The following NEK5 variants were observed in gnomAD, a reference collection of about 807,000 sequenced individuals.
The protein encoded by NEK5 is serine/threonine-protein kinase Nek5.
Under a neutral mutation model 109.2 loss-of-function variants are expected in NEK5, and 88 were observed. That is an observed-to-expected ratio of 0.81 (90% CI 0.68 to 0.96). The LOEUF is 0.96. Ranked by LOEUF, NEK5 falls within the 40% of genes least tolerant of loss-of-function variation. The pLI, the probability that NEK5 is intolerant of heterozygous loss-of-function variation, is 0.00. For missense variants in NEK5, 834 were observed against 920.7 expected, an observed-to-expected ratio of 0.91 and a Z score of 1.22; for synonymous variants, 283 against 299.9, an observed-to-expected ratio of 0.94 and a Z score of 0.58.
At position 52,038,839 on chromosome 13, in the gene NEK5, A is replaced by AC. The variant is rs1333093022; in HGVS notation, c.2229-1622_2229-1621insG. ...GACACTCATCTGAAAAAAAAAAAAA[A>AC]AAAAAAGTGGTGACAATGAATTTAA... is the stretch of plus-strand genomic sequence containing the variant. On this transcript the variant is annotated intron_variant, in intron 23 of 23. Coordinates refer to ENST00000684899, the MANE Select transcript of NEK5 (RefSeq NM_001365552.1). Among the ~76,000 whole-genome samples, 109 of 151,226 alleles carry AC rather than the reference A, an allele frequency of 7.2e-4. 1 individual carries two copies. The highest frequency in any genetic ancestry group is 3.2e-4 in the Non-Finnish European group (22 of 67,770).
intron 18 of NEK5, 72 bp from the exon 19 acceptor site, chr13:52,075,898 C>A: frequency 1.9e-6 from 2 of 1,066,478 alleles, no homozygotes; most frequent in South Asian, 3.1e-5. Flanking sequence ...CTCCCTAGGT[C>A]AATTTTGTTT....
chr13:52,092,424 C>A (rs1256962609), intron 13 of NEK5, among the ~76,000 whole-genome samples: 1 of 148,610 alleles, frequency 6.7e-6, no homozygotes. Flanking sequence ...ATCTTTCTAA[C>A]AAAAAAAAAA....
chr13:52,075,934 G>T, intron 18 of NEK5, 108 bp from the exon 19 acceptor site: 1 of 902,134 alleles, frequency 1.1e-6, no homozygotes, highest in Admixed American at 3.0e-5. Flanking sequence ...TAAAACCATT[G>T]GTCTCATATC....
chr13:52,039,023 T>A (rs1010847035), intron 23 of NEK5, among the ~76,000 whole-genome samples: 1 of 151,998 alleles, frequency 6.6e-6, no homozygotes, highest in Non-Finnish European at 1.5e-5. Context: ...ACAGGTGGAA[T>A]AACCAATAGG....
At chr13:52,095,815 G>C (rs1955400025) in intron 12 of NEK5, among the ~76,000 whole-genome samples, 1 of 152,172 alleles carries the variant, frequency 6.6e-6, no homozygotes. Flanking sequence ...AGCCTGGGAG[G>C]TCGAGTGATA....
rs773788452 is a variant in NEK5 at position 52,083,288 on chromosome 13, T to A, written c.1544A>T (p.Asp515Val). ...CACAGGTGCTTCTCCCTCAGATGCA[T>A]CTTGATGGACAGGCAGGTTACTCTT... ...VKKSNLPVHQ[D>V]ASEGEAPVQD... is the part of the protein sequence containing the mutation. Residue 515 changes from aspartate (D) to valine (V), a missense_variant, in exon 17 of 24, where the codon GAT becomes GTT. Physicochemically the swap from Asp to Val is radical, Grantham distance 152 (BLOSUM62 -3). Transcript: ENST00000684899. 6 of 1,613,128 alleles carry A rather than the reference T, an allele frequency of 3.7e-6. No individual in the cohort carries two copies. The highest frequency in any genetic ancestry group is 1.7e-5 in the Admixed American group (1 of 60,022).
At chr13:52,123,919 G>A (rs1956017355) in intron 3 of NEK5, among the ~76,000 whole-genome samples, 2 of 151,926 alleles carry the variant, frequency 1.3e-5, no homozygotes, top group Admixed American at 6.6e-5. Context: ...TGCAGAGGCT[G>A]GAGTGGGGAA....
At chr13:52,114,922 T>C (rs1472550069) in intron 4 of NEK5, among the ~76,000 whole-genome samples, 1 of 152,130 alleles carries the variant, frequency 6.6e-6, no homozygotes, top group African/African-American at 2.4e-5. Flanking sequence ...CATTATTTCA[T>C]CTCACTTCCT....
chr13:52,116,019 A>G (rs979271236), intron 4 of NEK5, among the ~76,000 whole-genome samples: 1 of 151,906 alleles, frequency 6.6e-6, no homozygotes, highest in Admixed American at 6.6e-5. Context: ...CTATAATGAA[A>G]AAATATTCAA....
rs533642614 is a variant in NEK5 at position 52,046,712 on chromosome 13, T to C, written c.2228+3392A>G. ...TGCCGCTGCACTCCAACCTGGGTGA[T>C]AGACGGACACCCTGTCTCAAAAAAA... is the stretch of plus-strand genomic sequence containing the variant. On this transcript the variant is annotated intron_variant, in intron 23 of 23. Coordinates refer to ENST00000684899, the MANE Select transcript of NEK5 (RefSeq NM_001365552.1). Among the ~76,000 whole-genome samples, 8 of 151,210 alleles carry C rather than the reference T, an allele frequency of 5.3e-5. No homozygotes were observed. In the South Asian group the frequency reaches 1.5e-3, roughly 28 times the overall value.
intron 12 of NEK5, among the ~76,000 whole-genome samples, chr13:52,098,116 G>A (rs1420866677): frequency 6.6e-6 from 1 of 152,044 alleles, no homozygotes; most frequent in Non-Finnish European, 1.5e-5. Context: ...AGAACTGTAA[G>A]CCAATTAAAC....
intron 3 of NEK5, among the ~76,000 whole-genome samples, chr13:52,121,216 T>G (rs1424190529): frequency 6.6e-6 from 1 of 151,122 alleles, no homozygotes; most frequent in Non-Finnish European, 1.5e-5. Context: ...TGGAGTGCAG[T>G]GGCATGATCT....
chr13:52,044,999 C>A (rs887014847), intron 23 of NEK5, among the ~76,000 whole-genome samples: 8 of 151,758 alleles, frequency 5.3e-5, no homozygotes, highest in Admixed American at 5.2e-4. Flanking sequence ...GGACCTAGCC[C>A]TCAAAATAAT....
At chr13:52,060,832 A>C (rs9535845) in intron 22 of NEK5, among the ~76,000 whole-genome samples, 87,772 of 151,956 alleles carry the variant, frequency 0.58, 28,314 homozygotes, top group Non-Finnish European at 0.72. Context: ...TGATATAAGA[A>C]CAAACCCTCA....
chr13:52,093,758 G>T (rs1955347259), intron 12 of NEK5, among the ~76,000 whole-genome samples: 1 of 152,010 alleles, frequency 6.6e-6, no homozygotes, highest in South Asian at 2.1e-4. Flanking sequence ...TTTTGCTAAG[G>T]TATGGATATG....
At chr13:52,069,756 G>A (rs944593699) in intron 20 of NEK5, among the ~76,000 whole-genome samples, 1 of 152,088 alleles carries the variant, frequency 6.6e-6, no homozygotes, top group Non-Finnish European at 1.5e-5. Context: ...TCATGCACTT[G>A]GACTCTTCTC....
At chr13:52,063,345 G>C (rs1214355019) in intron 21 of NEK5, among the ~76,000 whole-genome samples, 2 of 152,258 alleles carry the variant, frequency 1.3e-5, no homozygotes, top group East Asian at 3.8e-4. Context: ...GAGGTGCCGG[G>C]TTTGCAGACG....
At chr13:52,117,217 C>T (rs902345853) in intron 4 of NEK5, among the ~76,000 whole-genome samples, 1 of 152,172 alleles carries the variant, frequency 6.6e-6, no homozygotes, top group African/African-American at 2.4e-5. Flanking sequence ...CTGCGCCCGG[C>T]CAAAACATTC....
chr13:52,051,711 C>G (rs1032925602), intron 22 of NEK5, among the ~76,000 whole-genome samples: 3 of 152,178 alleles, frequency 2.0e-5, no homozygotes. Context: ...AAGAGAAAAG[C>G]TGAAAACTAC....
Sources: allele counts gnomAD v4.1 joint callset (sites outside exome capture counted in the v4.1 genomes callset), GRCh38; gene constraint gnomAD v4.1.1; transcripts MANE v1.5; gene names NCBI Gene and HGNC (gene_info 2026-07-23, HGNC 2026-07-21).